Variants in EMP2 observed in about 807,000 individuals in gnomAD.
EMP2 encodes epithelial membrane protein 2.
In EMP2, 19 loss-of-function variants were observed where a neutral mutation model predicts 13.7. That is an observed-to-expected ratio of 1.38 (90% CI 0.97 to 2.03). The LOEUF (loss-of-function observed/expected upper bound fraction) is 2.03, where lower values mean the gene tolerates loss of function less well. Ranked by LOEUF, EMP2 falls within the 30% of genes most tolerant of loss-of-function variation. The pLI is 0.00. For missense variants in EMP2, 253 were observed against 220.7 expected (o/e 1.15, Z -0.93); for synonymous variants, 97 against 84.7 (o/e 1.15, Z -0.80).
At chr16:10,570,433 G>A (rs531964809) in intron 1 of EMP2, among the ~76,000 whole-genome samples, 58 of 152,048 alleles carry the variant, frequency 3.8e-4, no homozygotes, top group Middle Eastern at 3.4e-3. Flanking sequence ...GTCTTGCCCC[G>A]TCACCCAGAG....
chr16:10,540,365 G>A (rs1044215178), intron 3 of EMP2, among the ~76,000 whole-genome samples: 27 of 152,254 alleles, frequency 1.8e-4, no homozygotes, highest in African/African-American at 6.5e-4. Flanking sequence ...AATTAGCTGG[G>A]TGTGGTGGCA....
chr16:10,558,659 A>C (rs74007153), intron 1 of EMP2, among the ~76,000 whole-genome samples: 2,472 of 152,214 alleles, frequency 0.016, 72 homozygotes, highest in African/African-American at 0.054. Flanking sequence ...GGATCTGCCC[A>C]CGGACAGAGT....
chr16:10,543,690 G>T, intron 2 of EMP2, 30 bp from the exon 3 acceptor site: 1 of 1,599,244 alleles, frequency 6.3e-7, no homozygotes, highest in Non-Finnish European at 8.6e-7. Flanking sequence ...TAGAGAGAAA[G>T]GCCGTCCGTT....
intron 4 of EMP2, 55 bp from the exon 5 acceptor site, chr16:10,533,147 G>C (rs879234637): frequency 1.4e-6 from 2 of 1,414,986 alleles, no homozygotes; most frequent in African/African-American, 2.9e-5. Flanking sequence ...TGCACCCTGG[G>C]TAGCCCAGGG....
Position 10,533,073 on chromosome 16 carries a change from C to A in EMP2, c.336G>T (p.Ala112=). The A allele has an allele frequency of 6.3e-7, 1 of 1,586,114 alleles. No individual in the cohort carries two copies. The part of the protein sequence containing the change: ...QLMSCLCVMI[A]ASIYTDRRED... The stretch of plus-strand genomic sequence containing the variant: ...CACGCCTGTCTGTATAAATGGAGGC[C>A]GCAATCATGACACACAGACCTGTCA... The change falls in exon 5 of 5, where the codon GCG becomes GCT. Residue 112 remains alanine (A), a synonymous_variant. Transcript: ENST00000359543.
At chr16:10,556,929 A>T (rs9921321) in intron 1 of EMP2, among the ~76,000 whole-genome samples, 1 of 152,252 alleles carries the variant, frequency 6.6e-6, no homozygotes, top group Non-Finnish European at 1.5e-5. Flanking sequence ...GGCACAAGGC[A>T]GTATCAAATC....
Position 10,537,842 on chromosome 16 carries a change from C to T in EMP2, c.316+86G>A, listed in dbSNP as rs149692126. On this transcript the variant is annotated intron_variant, in intron 4 of 4. Coordinates refer to ENST00000359543, the MANE Select transcript of EMP2 (RefSeq NM_001424.6). ...CCAATTTCTCCTTTCCAAATTCTCC[C>T]TCCTCCTGGCTTCCCTCCTGGCGGC... The T allele has an allele frequency of 4.5e-6, 7 of 1,554,900 alleles. No individual in the cohort carries two copies. The East Asian group carries it at 1.6e-4, about 35-fold the overall frequency.
chr16:10,536,957 A>T (rs1268364561), intron 4 of EMP2, among the ~76,000 whole-genome samples: 1 of 152,074 alleles, frequency 6.6e-6, no homozygotes, highest in African/African-American at 2.4e-5. Context: ...ACAAGTTGTC[A>T]CTGCACTGCA....
chr16:10,562,336 T>TTCTCTCTCTCTCTCTCTCTCTCTCTC (rs540802206), intron 1 of EMP2, among the ~76,000 whole-genome samples: 44 of 124,202 alleles, frequency 3.5e-4, no homozygotes, highest in East Asian at 5.1e-4. Context: ...CTCATGCATG[T>TTCTCTCTCTCTCTCTCTCTCTCTCTC]TCTCTCTCTC....
At chr16:10,571,127 T>G (rs1246066656) in intron 1 of EMP2, among the ~76,000 whole-genome samples, 1 of 151,408 alleles carries the variant, frequency 6.6e-6, no homozygotes, top group East Asian at 2.0e-4. Context: ...CGTGGTGGTG[T>G]GCACCTGTAG....
At chr16:10,561,799 G>C (rs2050873158) in intron 1 of EMP2, among the ~76,000 whole-genome samples, 1 of 152,150 alleles carries the variant, frequency 6.6e-6, no homozygotes, top group Non-Finnish European at 1.5e-5. Flanking sequence ...CAGTGAATAT[G>C]TGTTGAATGA....
At chr16:10,567,913 G>A (rs2050919492) in intron 1 of EMP2, among the ~76,000 whole-genome samples, 1 of 152,204 alleles carries the variant, frequency 6.6e-6, no homozygotes, top group Non-Finnish European at 1.5e-5. Flanking sequence ...TTTTATAGAT[G>A]AGAAAACGGA....
At chr16:10,555,459 C>T (rs1190641613) in intron 1 of EMP2, among the ~76,000 whole-genome samples, 3 of 152,166 alleles carry the variant, frequency 2.0e-5, no homozygotes, top group Non-Finnish European at 4.4e-5. Flanking sequence ...ATTTGCAGAA[C>T]TTCTCTTTTA....
intron 1 of EMP2, among the ~76,000 whole-genome samples, chr16:10,551,105 A>G (rs1203673233): frequency 1.3e-5 from 2 of 151,888 alleles, no homozygotes; most frequent in East Asian, 3.9e-4. Flanking sequence ...ACGTTTCATC[A>G]CCCCCAAAGT....
intron 3 of EMP2, among the ~76,000 whole-genome samples, chr16:10,541,159 T>C (rs1292195494): frequency 1.3e-5 from 2 of 151,846 alleles, no homozygotes; most frequent in African/African-American, 2.4e-5. Flanking sequence ...CCCCAGCACT[T>C]TGGGAGGCCA....
At chr16:10,543,001 A>C (rs1447422212) in intron 3 of EMP2, among the ~76,000 whole-genome samples, 1 of 152,124 alleles carries the variant, frequency 6.6e-6, no homozygotes. Context: ...GTGCACCACC[A>C]CGCCCAGCTA....
Position 10,529,338 on chromosome 16 carries a change from G to A in EMP2, c.*3567C>T, listed in dbSNP as rs974162683. 5.3e-5 allele frequency: 8 copies of A among 152,156 alleles called. No individual in the cohort carries two copies. Among genetic ancestry groups the A allele is most frequent in the Admixed American group, 2.0e-4 (3 of 15,268 alleles). 9.4% of individuals were successfully genotyped at this position (152,156 alleles called of 1,614,324 possible). ...GGCTGATTCTATCTACAGGTAAGAA[G>A]CTTGGATGTTTTCTCCCTGATTTTG... On this transcript the variant is annotated 3_prime_UTR_variant, in exon 5 of 5. Transcript: ENST00000359543.
intron 1 of EMP2, among the ~76,000 whole-genome samples, chr16:10,556,824 C>T (rs1434223547): frequency 6.6e-6 from 1 of 152,214 alleles, no homozygotes; most frequent in African/African-American, 2.4e-5. Context: ...TTTTCCAGTT[C>T]CAAATACAGG....
intron 4 of EMP2, among the ~76,000 whole-genome samples, chr16:10,535,511 G>A (rs1182613590): frequency 6.6e-6 from 1 of 152,152 alleles, no homozygotes; most frequent in Non-Finnish European, 1.5e-5. Context: ...GACGCTGGCA[G>A]ATTGCGAGAC....
Sources: gnomAD v4.1 joint callset for allele counts (sites outside exome capture counted in the v4.1 genomes callset) on GRCh38, gnomAD v4.1.1 for gene constraint, MANE v1.5 for transcripts, NCBI Gene and HGNC (gene_info 2026-07-23, HGNC 2026-07-21) for gene names.